The following AKAP6 variants were observed in gnomAD, a reference collection of about 807,000 sequenced individuals.
AKAP6 encodes the protein A-kinase anchor protein 6.
A neutral mutation model predicts 188.5 loss-of-function variants in AKAP6; 58 were observed. The ratio of observed to expected loss-of-function variants is 0.31; its 90% CI spans 0.25 to 0.38. AKAP6 has a LOEUF of 0.38. AKAP6 is among the 10% of genes least tolerant of loss of function. The pLI, the probability that AKAP6 is intolerant of heterozygous loss-of-function variation, is 1.00. For synonymous variants in AKAP6, 989 were observed against 998.6 expected (o/e 0.99, Z 0.18); for missense variants, 2,710 against 2,740.0 (o/e 0.99, Z 0.24).
At chr14:32,526,269 G>A (rs1197299914) in intron 2 of AKAP6, among the ~76,000 whole-genome samples, 1 of 152,052 alleles carries the variant, frequency 6.6e-6, no homozygotes, top group African/African-American at 2.4e-5. Context: ...GCCTTGCCCT[G>A]TCGCCCAGGT....
chr14:32,353,929 C>T (rs1887385956), intron 1 of AKAP6, among the ~76,000 whole-genome samples: 1 of 152,060 alleles, frequency 6.6e-6, no homozygotes, highest in Non-Finnish European at 1.5e-5. Flanking sequence ...TCAAGGAGAA[C>T]TACAAACCAC....
At chr14:32,589,997 A>C (rs1446510340) in intron 5 of AKAP6, among the ~76,000 whole-genome samples, 2 of 152,176 alleles carry the variant, frequency 1.3e-5, no homozygotes, top group Non-Finnish European at 2.9e-5. Flanking sequence ...GGAATTTTGG[A>C]ATCTTGAAAT....
chr14:32,701,565 AGAATT>A (rs1392921532), intron 9 of AKAP6, among the ~76,000 whole-genome samples: 1 of 152,146 alleles, frequency 6.6e-6, no homozygotes, highest in East Asian at 1.9e-4. Flanking sequence ...CGTGTGGAAT[AGAATT>A]AGAAATTCTG....
intron 7 of AKAP6, among the ~76,000 whole-genome samples, chr14:32,616,052 G>A (rs1486469465): frequency 2.0e-5 from 3 of 152,224 alleles, no homozygotes; most frequent in Non-Finnish European, 4.4e-5. Context: ...TCATTGATTG[G>A]TGGCTTTTAA....
At chr14:32,593,031 C>T (rs1026970404) in intron 5 of AKAP6, among the ~76,000 whole-genome samples, 4 of 151,164 alleles carry the variant, frequency 2.6e-5, no homozygotes, top group Non-Finnish European at 5.9e-5. Context: ...CACACACACA[C>T]ACACACACAC....
intron 2 of AKAP6, among the ~76,000 whole-genome samples, chr14:32,450,834 C>CTTAA (rs1890915041): frequency 6.6e-6 from 1 of 152,082 alleles, no homozygotes; most frequent in Non-Finnish European, 1.5e-5. Flanking sequence ...TATAGTTTTA[C>CTTAA]TGTTAAGAAT....
intron 9 of AKAP6, among the ~76,000 whole-genome samples, chr14:32,724,566 A>G (rs1478767762): frequency 6.6e-6 from 1 of 152,206 alleles, no homozygotes; most frequent in South Asian, 2.1e-4. Flanking sequence ...TTGAGAAGAT[A>G]ATAGGATTGA....
rs928388886 is a variant in AKAP6, at chr14:32,671,318, G to A, written c.2731-6993G>A. Among the ~76,000 whole-genome samples, 11 of 152,168 alleles carry A rather than the reference G, an allele frequency of 7.2e-5. 1 individual carries two copies. Among genetic ancestry groups the A allele is most frequent in the Admixed American group, 3.9e-4 (6 of 15,276 alleles). Reference sequence around the variant, plus strand: ...GACCAAGGACTGACCACTGCATGAGGAATGTGGACCAAAATCTGATTGGGG... The same window carrying A: ...GACCAAGGACTGACCACTGCATGAGAAATGTGGACCAAAATCTGATTGGGG... On this transcript the variant is annotated intron_variant, in intron 7 of 13. Coordinates refer to ENST00000280979, the MANE Select transcript of AKAP6 (RefSeq NM_004274.5).
chr14:32,330,142 C>A (rs932726159), intron 1 of AKAP6, among the ~76,000 whole-genome samples: 7 of 152,012 alleles, frequency 4.6e-5, no homozygotes, highest in African/African-American at 1.4e-4. Context: ...CTCCTCTCTG[C>A]GGCAGTTGCA....
rs562401860 is a variant in AKAP6 at position 32,414,486 on chromosome 14, A to T, written c.-34-18974A>T. On this transcript the variant is annotated intron_variant, in intron 1 of 13. Coordinates refer to ENST00000280979, the MANE Select transcript of AKAP6 (RefSeq NM_004274.5). ...TATTACATGACCCATGTTTCAGGAAATGATGCTCTGAATATTATTTATATT... is the reference window on the plus strand; with the variant it reads ...TATTACATGACCCATGTTTCAGGAATTGATGCTCTGAATATTATTTATATT... Among the ~76,000 whole-genome samples the T allele has an allele frequency of 2.6e-5, 4 of 152,250 alleles. No homozygotes were observed. In the South Asian group the frequency reaches 8.3e-4, roughly 32 times the overall value.
chr14:32,479,525 T>C (rs8014037), intron 2 of AKAP6, among the ~76,000 whole-genome samples: 47,042 of 152,096 alleles, frequency 0.31, 7,788 homozygotes, highest in Non-Finnish European at 0.36. Flanking sequence ...GAATAGTTTT[T>C]TGTGTGTCAT....
intron 7 of AKAP6, among the ~76,000 whole-genome samples, chr14:32,618,379 A>G (rs1451967158): frequency 6.6e-6 from 1 of 152,074 alleles, no homozygotes; most frequent in Non-Finnish European, 1.5e-5. Context: ...GCCAATGTCT[A>G]TTGTGCTACT....
chr14:32,526,548 T>G (rs143480509), intron 2 of AKAP6, among the ~76,000 whole-genome samples: 7 of 152,262 alleles, frequency 4.6e-5, no homozygotes, highest in African/African-American at 1.7e-4. Context: ...CTTGCATACT[T>G]TTTGTATCTT....
At chr14:32,637,564 T>C (rs1339910383) in intron 7 of AKAP6, among the ~76,000 whole-genome samples, 2 of 152,006 alleles carry the variant, frequency 1.3e-5, no homozygotes, top group African/African-American at 4.8e-5. Context: ...TGCAATCAAG[T>C]CAAGAGTCCA....
intron 7 of AKAP6, among the ~76,000 whole-genome samples, chr14:32,604,811 A>G (rs1314911261): frequency 6.6e-6 from 1 of 152,118 alleles, no homozygotes; most frequent in African/African-American, 2.4e-5. Context: ...AATATACAAG[A>G]CTTCATTTTC....
At chr14:32,634,963 C>T (rs905637820) in intron 7 of AKAP6, among the ~76,000 whole-genome samples, 6 of 151,446 alleles carry the variant, frequency 4.0e-5, no homozygotes, top group Middle Eastern at 3.4e-3. Context: ...AGTTCTTTAG[C>T]GGCGCTTTCT....
chr14:32,459,741 AT>A (rs71432056), intron 2 of AKAP6, among the ~76,000 whole-genome samples: 6,609 of 147,624 alleles, frequency 0.045, 159 homozygotes, highest in East Asian at 0.081. Context: ...TTGTCAACTG[AT>A]TTTTTTTTTT....
intron 12 of AKAP6, among the ~76,000 whole-genome samples, chr14:32,807,190 CT>C (rs1292428797): frequency 1.3e-5 from 2 of 151,632 alleles, no homozygotes; most frequent in Non-Finnish European, 2.9e-5. Flanking sequence ...TACATACAAA[CT>C]TAAAAAATTA....
chr14:32,346,495 G>A (rs9322889), intron 1 of AKAP6, among the ~76,000 whole-genome samples: 27,383 of 152,076 alleles, frequency 0.18, 2,598 homozygotes, highest in East Asian at 0.4. Context: ...TGGAAATTGA[G>A]AATGTCTTGT....
Sources: gnomAD v4.1 joint callset for allele counts (sites outside exome capture counted in the v4.1 genomes callset) on GRCh38, gnomAD v4.1.1 for gene constraint, MANE v1.5 for transcripts, NCBI Gene and HGNC (gene_info 2026-07-23, HGNC 2026-07-21) for gene names.